Variants in PDSS2 observed in about 807,000 individuals in gnomAD.
PDSS2 encodes decaprenyl diphosphate synthase subunit 2, also known as all trans-polyprenyl-diphosphate synthase PDSS2.
PDSS2 carries 31 observed loss-of-function variants against 44.5 expected under a neutral mutation model. The ratio of observed to expected loss-of-function variants is 0.70; its 90% CI spans 0.52 to 0.94. PDSS2 has a LOEUF of 0.94. Ranked by LOEUF, PDSS2 falls within the 40% of genes least tolerant of loss-of-function variation. The pLI is 0.00. For missense variants in PDSS2, 452 were observed against 482.2 expected, an observed-to-expected ratio of 0.94 and a Z score of 0.59; for synonymous variants, 157 against 180.3, an observed-to-expected ratio of 0.87 and a Z score of 1.03.
chr6:107,172,410 G>T (rs556002328), intron 7 of PDSS2, among the ~76,000 whole-genome samples: 1 of 152,224 alleles, frequency 6.6e-6, no homozygotes, highest in African/African-American at 2.4e-5. Context: ...CTTAGGAGAG[G>T]CCAGGAATGG....
At chr6:107,416,648 T>TA (rs1233022160) in intron 1 of PDSS2, among the ~76,000 whole-genome samples, 3 of 152,134 alleles carry the variant, frequency 2.0e-5, no homozygotes, top group South Asian at 2.1e-4. Context: ...TCCAGTCCTT[T>TA]AAAAAAACTG....
chr6:107,247,086 A>C (rs1332128371), intron 3 of PDSS2, among the ~76,000 whole-genome samples: 1 of 152,190 alleles, frequency 6.6e-6, no homozygotes, highest in Non-Finnish European at 1.5e-5. Context: ...TATCGCCAAT[A>C]GGTCTATGAA....
chr6:107,296,754 TA>T lies in PDSS2; in HGVS notation c.432-22528del, dbSNP rs558251299. On this transcript the variant is annotated intron_variant, in intron 2 of 7. Coordinates refer to ENST00000369037, the MANE Select transcript of PDSS2 (RefSeq NM_020381.4). ...AAAAAATAAATAAAATAAAACAAAA[TA>T]AAAAAATAAAACACTGAACTCAATT... Among the ~76,000 whole-genome samples, 31 of 151,796 alleles carry T rather than the reference TA, an allele frequency of 2.0e-4. No individual in the cohort carries two copies. In the East Asian group the frequency reaches 5.2e-3, roughly 26 times the overall value.
chr6:107,218,283 C>T lies in PDSS2; in HGVS notation c.703-6001G>A, dbSNP rs183339296. Among the ~76,000 whole-genome samples the T allele has an allele frequency of 1.2e-4, 18 of 152,226 alleles. No homozygotes were observed. The East Asian group carries it at 3.1e-3, about 26-fold the overall frequency. ...CAGGGTGACCTTTAAAAACACAAAC[C>T]AGAACTACAATGGCCTCCAGCTGTT... is the stretch of plus-strand genomic sequence containing the variant. On this transcript the variant is annotated intron_variant, in intron 4 of 7. Transcript: ENST00000369037.
chr6:107,228,676 C>G (rs1773920802), intron 4 of PDSS2, among the ~76,000 whole-genome samples: 1 of 151,248 alleles, frequency 6.6e-6, no homozygotes, highest in Admixed American at 6.7e-5. Flanking sequence ...GCCTGGGTGA[C>G]AGAGGGAGAC....
rs67310767 is a variant in PDSS2, at chr6:107,334,526, CGTTGTTGTTGTT to C, written c.297-206_297-195del. Among the ~76,000 whole-genome samples, 22,887 of 149,168 alleles carry C rather than the reference CGTTGTTGTTGTT, an allele frequency of 0.15. 2,075 individuals are homozygous for C. Among genetic ancestry groups the C allele is most frequent in the East Asian group, 0.26 (1,278 of 5,006 alleles). On this transcript the variant is annotated intron_variant, in intron 1 of 7. Coordinates refer to ENST00000369037, the MANE Select transcript of PDSS2 (RefSeq NM_020381.4). ...AAACAACTAGAGAAATCTACGGCTGCGTTGTTGTTGTTGTTGTTGTTGTTGTTGTTTTTGAGA... is the reference window on the plus strand; with the variant it reads ...AAACAACTAGAGAAATCTACGGCTGCGTTGTTGTTGTTGTTGTTTTTGAGA...
intron 7 of PDSS2, among the ~76,000 whole-genome samples, chr6:107,184,976 TA>T (rs762568066): frequency 2.0e-5 from 3 of 151,658 alleles, no homozygotes; most frequent in Non-Finnish European, 4.4e-5. Context: ...AAATGCACAA[TA>T]AAGCCTAGAG....
At chr6:107,257,526 G>T (rs929529055) in intron 3 of PDSS2, among the ~76,000 whole-genome samples, 1 of 152,142 alleles carries the variant, frequency 6.6e-6, no homozygotes, top group Non-Finnish European at 1.5e-5. Flanking sequence ...TACAGAGTGA[G>T]ACTCTGTCTC....
At chr6:107,160,088 C>A (rs1278276686) in intron 7 of PDSS2, among the ~76,000 whole-genome samples, 1 of 152,048 alleles carries the variant, frequency 6.6e-6, no homozygotes, top group African/African-American at 2.4e-5. Flanking sequence ...TGGTGCCGTG[C>A]ACCTGTAGTC....
At chr6:107,429,467 A>G (rs1399237896) in intron 1 of PDSS2, among the ~76,000 whole-genome samples, 1 of 152,180 alleles carries the variant, frequency 6.6e-6, no homozygotes, top group Non-Finnish European at 1.5e-5. Context: ...TAGTCCATAA[A>G]GCTAGACTGG....
intron 2 of PDSS2, among the ~76,000 whole-genome samples, chr6:107,280,229 T>G (rs1219813477): frequency 2.0e-5 from 3 of 152,034 alleles, no homozygotes; most frequent in Non-Finnish European, 4.4e-5. Context: ...CCAGCTAAGT[T>G]TTTTGTATTT....
At chr6:107,394,890 C>A (rs956106843) in intron 1 of PDSS2, among the ~76,000 whole-genome samples, 1 of 152,102 alleles carries the variant, frequency 6.6e-6, no homozygotes. Context: ...TTAGCATTTC[C>A]AAAATGCTTC....
chr6:107,214,108 CTT>C (rs111768125), intron 4 of PDSS2, among the ~76,000 whole-genome samples: 3 of 144,622 alleles, frequency 2.1e-5, no homozygotes, highest in Admixed American at 6.9e-5. Context: ...CTATTTTACA[CTT>C]TTTTTTTTTT....
intron 6 of PDSS2, among the ~76,000 whole-genome samples, chr6:107,206,708 T>C (rs987762955): frequency 6.6e-6 from 1 of 152,118 alleles, no homozygotes; most frequent in African/African-American, 2.4e-5. Context: ...CTTCATAATG[T>C]TTGAAGAAAG....
At chr6:107,440,426 C>T (rs927433615) in intron 1 of PDSS2, among the ~76,000 whole-genome samples, 1 of 152,296 alleles carries the variant, frequency 6.6e-6, no homozygotes, top group East Asian at 1.9e-4. Flanking sequence ...CAGGCTCACA[C>T]AATGGTGAAA....
chr6:107,186,570 T>TGC lies in PDSS2; in HGVS notation c.1041+7250_1041+7251dup, dbSNP rs1437097396. 3.9e-5 allele frequency among the ~76,000 whole-genome samples: 6 copies of TGC among 152,280 alleles called. No individual in the cohort carries two copies. In the East Asian group the frequency reaches 9.6e-4, roughly 24 times the overall value. ...GGTATACATGTGCCATGGTGGTTTG[T>TGC]GCACCTATTGACCCGCTCTCTAAGT... On this transcript the variant is annotated intron_variant, in intron 7 of 7. Transcript: ENST00000369037.
At chr6:107,160,337 T>C (rs782813706) in intron 7 of PDSS2, among the ~76,000 whole-genome samples, 1 of 152,014 alleles carries the variant, frequency 6.6e-6, no homozygotes, top group Non-Finnish European at 1.5e-5. Context: ...TTGAGAGAAA[T>C]GAGAGATCAA....
intron 2 of PDSS2, among the ~76,000 whole-genome samples, chr6:107,292,653 C>A (rs1776384071): frequency 6.6e-6 from 1 of 152,142 alleles, no homozygotes; most frequent in Admixed American, 6.5e-5. Context: ...AATAACCAAG[C>A]CAGGTGACTT....
intron 1 of PDSS2, among the ~76,000 whole-genome samples, chr6:107,454,574 T>C (rs1781975099): frequency 6.6e-6 from 1 of 152,150 alleles, no homozygotes; most frequent in Admixed American, 6.5e-5. Context: ...CTAGGCTGTT[T>C]TTCCCTTTTC....
Sources: gnomAD v4.1 joint callset for allele counts (sites outside exome capture counted in the v4.1 genomes callset) on GRCh38, gnomAD v4.1.1 for gene constraint, MANE v1.5 for transcripts, NCBI Gene and HGNC (gene_info 2026-07-23, HGNC 2026-07-21) for gene names.